Variants in CAMK1D observed in about 807,000 individuals in gnomAD.
CAMK1D encodes calcium/calmodulin dependent protein kinase ID.
In CAMK1D, 9 loss-of-function variants were observed where a neutral mutation model predicts 47.7. The ratio of observed to expected loss-of-function variants is 0.19; its 90% CI spans 0.11 to 0.33. CAMK1D has a LOEUF of 0.33. CAMK1D is among the 10% of genes least tolerant of loss of function. The pLI is 1.00. For missense variants in CAMK1D, 291 were observed against 488.7 expected, an observed-to-expected ratio of 0.60 and a Z score of 3.81; for synonymous variants, 184 against 184.9, an observed-to-expected ratio of 0.99 and a Z score of 0.04.
At chr10:12,746,319 T>A (rs78254593) in intron 3 of CAMK1D, among the ~76,000 whole-genome samples, 1 of 145,124 alleles carries the variant, frequency 6.9e-6, no homozygotes, top group East Asian at 2.0e-4. Context: ...AGCCCAGATC[T>A]CGCCACTGCA....
intron 2 of CAMK1D, among the ~76,000 whole-genome samples, chr10:12,591,097 C>T (rs79945136): frequency 0.017 from 2,574 of 152,190 alleles, 68 homozygotes; most frequent in African/African-American, 0.059. Context: ...TTCTTTATGC[C>T]GCTTTCAAGA....
chr10:12,357,593 G>A (rs967228778), intron 1 of CAMK1D, among the ~76,000 whole-genome samples: 2 of 152,168 alleles, frequency 1.3e-5, no homozygotes, highest in Admixed American at 1.3e-4. Context: ...TGGGATTACA[G>A]GCATGAGCCA....
intron 2 of CAMK1D, among the ~76,000 whole-genome samples, chr10:12,621,322 G>T (rs1473896398): frequency 6.6e-6 from 1 of 151,792 alleles, no homozygotes; most frequent in Non-Finnish European, 1.5e-5. Flanking sequence ...AAAATTTTTT[G>T]TTAGGCATTG....
intron 2 of CAMK1D, among the ~76,000 whole-genome samples, chr10:12,594,921 C>T (rs964652479): frequency 1.5e-4 from 23 of 152,048 alleles, no homozygotes; most frequent in Admixed American, 1.4e-3. Context: ...GATCCACTTG[C>T]GGAAAGCAGA....
At chr10:12,387,399 T>TATATATATA (rs1564306946) in intron 1 of CAMK1D, among the ~76,000 whole-genome samples, 32 of 65,358 alleles carry the variant, frequency 4.9e-4, no homozygotes, top group African/African-American at 1.4e-3. Context: ...ATTATATATT[T>TATATATATA]TTATATATTA....
At chr10:12,467,349 TG>T (rs1470246470) in intron 1 of CAMK1D, among the ~76,000 whole-genome samples, 1 of 152,062 alleles carries the variant, frequency 6.6e-6, no homozygotes, top group Non-Finnish European at 1.5e-5. Flanking sequence ...GATGGGGTTT[TG>T]CCATTTTGTC....
chr10:12,827,092 A>G (rs1833238010), intron 10 of CAMK1D, among the ~76,000 whole-genome samples: 1 of 152,208 alleles, frequency 6.6e-6, no homozygotes. Flanking sequence ...GGAATAGGTG[A>G]ACATCTCTAT....
At chr10:12,495,882 C>T (rs1239453722) in intron 1 of CAMK1D, among the ~76,000 whole-genome samples, 2 of 152,176 alleles carry the variant, frequency 1.3e-5, no homozygotes, top group African/African-American at 4.8e-5. Flanking sequence ...GGCCGGAGTG[C>T]AGTGGCACTA....
At chr10:12,766,603 A>G (rs1219653980) in intron 4 of CAMK1D, among the ~76,000 whole-genome samples, 1 of 152,010 alleles carries the variant, frequency 6.6e-6, no homozygotes, top group East Asian at 1.9e-4. Context: ...AAAAATAATA[A>G]TTTATTGGGC....
At chr10:12,658,039 A>G (rs2132528729) in intron 2 of CAMK1D, among the ~76,000 whole-genome samples, 1 of 152,140 alleles carries the variant, frequency 6.6e-6, no homozygotes, top group Non-Finnish European at 1.5e-5. Context: ...AGTCCTAGCT[A>G]CTCGGGAGGC....
chr10:12,805,172 T>C (rs1838669753), intron 6 of CAMK1D, among the ~76,000 whole-genome samples: 2 of 150,368 alleles, frequency 1.3e-5, no homozygotes, highest in African/African-American at 2.4e-5. Flanking sequence ...GGCAGGAGAA[T>C]TGCTTGAACC....
At chr10:12,595,800 G>A (rs1838132100) in intron 2 of CAMK1D, among the ~76,000 whole-genome samples, 1 of 152,142 alleles carries the variant, frequency 6.6e-6, no homozygotes, top group Admixed American at 6.5e-5. Flanking sequence ...GAAGAAAGGG[G>A]AAAGTATTTC....
At chr10:12,740,672 A>G (rs1318959586) in intron 3 of CAMK1D, among the ~76,000 whole-genome samples, 2 of 152,210 alleles carry the variant, frequency 1.3e-5, no homozygotes, top group Non-Finnish European at 2.9e-5. Flanking sequence ...AGGCTAGAGA[A>G]GCTGAGAGTT....
At chr10:12,425,742 C>T (rs897458042) in intron 1 of CAMK1D, among the ~76,000 whole-genome samples, 1 of 152,228 alleles carries the variant, frequency 6.6e-6, no homozygotes. Flanking sequence ...AGTTGAGTGC[C>T]TGCCACATAA....
chr10:12,564,083 A>G (rs1837040339), intron 2 of CAMK1D, among the ~76,000 whole-genome samples: 1 of 151,814 alleles, frequency 6.6e-6, no homozygotes, highest in Admixed American at 6.6e-5. Context: ...ATCTATCTAG[A>G]TATCTATCTA....
intron 6 of CAMK1D, among the ~76,000 whole-genome samples, chr10:12,806,037 C>T (rs796470738): frequency 1.7e-4 from 26 of 152,284 alleles, no homozygotes; most frequent in African/African-American, 6.3e-4. Context: ...CATCACTGAG[C>T]ATAGACCTGT....
At chr10:12,812,761 T>G (rs1200997544) in intron 6 of CAMK1D, among the ~76,000 whole-genome samples, 1 of 152,214 alleles carries the variant, frequency 6.6e-6, no homozygotes, top group Admixed American at 6.5e-5. Context: ...GGCCCACCTC[T>G]TCCTGGCCGT....
chr10:12,457,952 C>T (rs993402694), intron 1 of CAMK1D, among the ~76,000 whole-genome samples: 4 of 152,138 alleles, frequency 2.6e-5, no homozygotes, highest in Admixed American at 2.6e-4. Flanking sequence ...GCCTCCTTTG[C>T]ATGGGTCTTT....
intron 5 of CAMK1D, among the ~76,000 whole-genome samples, chr10:12,785,605 C>T (rs1191063855): frequency 6.6e-6 from 1 of 152,200 alleles, no homozygotes; most frequent in Non-Finnish European, 1.5e-5. Flanking sequence ...AGGGACTGTG[C>T]TGGGCACCTC....
Sources: gnomAD v4.1 joint callset for allele counts (sites outside exome capture counted in the v4.1 genomes callset) on GRCh38, gnomAD v4.1.1 for gene constraint, MANE v1.5 for transcripts, NCBI Gene and HGNC (gene_info 2026-07-23, HGNC 2026-07-21) for gene names.